METTL15: variants seen among roughly 807,000 people sequenced by gnomAD.
METTL15 encodes 12S rRNA N(4)-cytidine methyltransferase METTL15.
METTL15 carries 34 observed loss-of-function variants against 38.3 expected under a neutral mutation model. That is an observed-to-expected ratio of 0.89 (90% CI 0.68 to 1.18). The LOEUF is 1.18. Ranked by LOEUF, METTL15 falls within the 50% of genes most tolerant of loss-of-function variation. The pLI is 0.00. For missense variants in METTL15, 438 were observed against 498.4 expected, an observed-to-expected ratio of 0.88 and a Z score of 1.15; for synonymous variants, 162 against 170.9, an observed-to-expected ratio of 0.95 and a Z score of 0.41.
At chr11:28,418,524 T>C (rs866387586) in intron 5 of METTL15, among the ~76,000 whole-genome samples, 11 of 152,132 alleles carry the variant, frequency 7.2e-5, no homozygotes, top group African/African-American at 2.7e-4. Flanking sequence ...CAGAGCATGA[T>C]GGCTCAATAG....
At chr11:28,513,208 C>T (rs1851690903) in intron 6 of METTL15, among the ~76,000 whole-genome samples, 1 of 152,178 alleles carries the variant, frequency 6.6e-6, no homozygotes, top group Non-Finnish European at 1.5e-5. Flanking sequence ...TCAGATAGGA[C>T]TTGCATATGA....
Position 28,475,947 on chromosome 11 carries a change from G to A in METTL15, c.*425-50531G>A, listed in dbSNP as rs574324501. On this transcript the variant is annotated intron_variant and NMD_transcript_variant, in intron 6 of 7. Coordinates refer to the METTL15 transcript ENST00000532947. ...CTCTCCTCCTGCTACCACCTAGGCT[G>A]CCTGCAGTCCTCTGTGGCATGCACA... is the stretch of plus-strand genomic sequence containing the variant. Among the ~76,000 whole-genome samples, 9 of 152,292 alleles carry A rather than the reference G, an allele frequency of 5.9e-5. No homozygotes were observed. The South Asian group carries it at 1.9e-3, about 32-fold the overall frequency.
chr11:28,482,424 C>T (rs929533797), intron 6 of METTL15, among the ~76,000 whole-genome samples: 1 of 152,150 alleles, frequency 6.6e-6, no homozygotes, highest in South Asian at 2.1e-4. Flanking sequence ...TTATATCTTC[C>T]TTGTAGGGTT....
intron 3 of METTL15, among the ~76,000 whole-genome samples, chr11:28,115,360 T>C (rs1851895358): frequency 1.3e-5 from 2 of 151,710 alleles, no homozygotes; most frequent in Non-Finnish European, 2.9e-5. Flanking sequence ...CCGGGTTCAA[T>C]TGATTCTCCT....
At chr11:28,388,791 G>C (rs539356253) in intron 5 of METTL15, among the ~76,000 whole-genome samples, 1 of 151,172 alleles carries the variant, frequency 6.6e-6, no homozygotes, top group Non-Finnish European at 1.5e-5. Flanking sequence ...TTAACTCGTC[G>C]TTTAACATTA....
intron 3 of METTL15, among the ~76,000 whole-genome samples, chr11:28,165,916 TC>T (rs1850642629): frequency 6.6e-6 from 1 of 152,186 alleles, no homozygotes; most frequent in African/African-American, 2.4e-5. Flanking sequence ...GACTGTCTTT[TC>T]CCCATTTTGT....
At chr11:28,151,006 C>CAAAA (rs34906623) in intron 3 of METTL15, among the ~76,000 whole-genome samples, 2 of 84,510 alleles carry the variant, frequency 2.4e-5, no homozygotes, top group Non-Finnish European at 2.5e-5. Flanking sequence ...CAACAGTGAC[C>CAAAA]AAAAAAAAAA....
intron 3 of METTL15, chr11:28,164,286 G>A (rs556160870): frequency 6.6e-6 from 1 of 152,040 alleles, no homozygotes; most frequent in South Asian, 2.1e-4. Context: ...CATTCTCCTG[G>A]GATGTCATAA....
intron 6 of METTL15, among the ~76,000 whole-genome samples, chr11:28,440,056 G>T (rs1265010813): frequency 6.6e-6 from 1 of 152,198 alleles, no homozygotes; most frequent in Non-Finnish European, 1.5e-5. Flanking sequence ...GACCCTGACT[G>T]TGGCAATTTG....
chr11:28,511,585 G>A (rs537244057), intron 6 of METTL15, among the ~76,000 whole-genome samples: 8 of 152,174 alleles, frequency 5.3e-5, no homozygotes, highest in Middle Eastern at 3.4e-3. Context: ...TGGTCTCACC[G>A]GCTCAGGAGT....
intron 6 of METTL15, among the ~76,000 whole-genome samples, chr11:28,514,574 G>A (rs939967678): frequency 2.6e-5 from 4 of 152,192 alleles, no homozygotes; most frequent in African/African-American, 9.7e-5. Context: ...CTAAAAGCAT[G>A]CTAAGAAATT....
rs1851731158 is a variant in METTL15, at chr11:28,111,843, AAGTC to A, written c.-18+1445_-18+1448del. On this transcript the variant is annotated intron_variant, in intron 2 of 6. Transcript: ENST00000407364. ...TATTTTGTAAACTGTTAGAAACACT[AAGTC>A]AGAGGGTAGTTGAGCTTACTTTTGT... is the stretch of plus-strand genomic sequence containing the variant. Among the ~76,000 whole-genome samples the A allele has an allele frequency of 1.3e-5, 2 of 152,228 alleles. 1 individual carries two copies. The highest frequency in any genetic ancestry group is 4.1e-4 in the South Asian group (2 of 4,832).
At chr11:28,525,692 A>G (rs542363850) in intron 6 of METTL15, among the ~76,000 whole-genome samples, 8 of 152,200 alleles carry the variant, frequency 5.3e-5, no homozygotes, top group African/African-American at 1.9e-4. Flanking sequence ...AGACATAAAG[A>G]TTCTCCAAGT....
chr11:28,188,038 C>T (rs542400495), intron 3 of METTL15, among the ~76,000 whole-genome samples: 125 of 151,372 alleles, frequency 8.3e-4, no homozygotes, highest in Non-Finnish European at 1.1e-3. Context: ...TTCCCTCACC[C>T]CTGGCTCATG....
chr11:28,179,677 G>C (rs538706855), intron 3 of METTL15, among the ~76,000 whole-genome samples: 1 of 151,804 alleles, frequency 6.6e-6, no homozygotes, highest in East Asian at 1.9e-4. Flanking sequence ...CTGTTGATGG[G>C]CTTGTGGATA....
At chr11:28,216,688 T>C (rs1852890167) in intron 4 of METTL15, among the ~76,000 whole-genome samples, 1 of 150,854 alleles carries the variant, frequency 6.6e-6, no homozygotes, top group African/African-American at 2.4e-5. Context: ...ATTAGGTATA[T>C]CTCCAAATGC....
intron 6 of METTL15, chr11:28,328,215 G>T: frequency 6.5e-7 from 1 of 1,549,448 alleles, no homozygotes. Flanking sequence ...TCATGTTCCT[G>T]AGAGACCTGG....
chr11:28,290,736 C>CCCAA (rs2133989501), intron 5 of METTL15, among the ~76,000 whole-genome samples: 1 of 151,768 alleles, frequency 6.6e-6, no homozygotes, highest in South Asian at 2.1e-4. Flanking sequence ...TTTTTGCATG[C>CCCAA]CCAACTATGC....
At chr11:28,506,520 A>C (rs1851628320) in intron 6 of METTL15, among the ~76,000 whole-genome samples, 1 of 152,180 alleles carries the variant, frequency 6.6e-6, no homozygotes, top group African/African-American at 2.4e-5. Context: ...CTATTATTAT[A>C]CATATTCTGT....
Sources: gnomAD v4.1 joint callset for allele counts (sites outside exome capture counted in the v4.1 genomes callset) on GRCh38, gnomAD v4.1.1 for gene constraint, MANE v1.5 for transcripts, NCBI Gene and HGNC (gene_info 2026-07-23, HGNC 2026-07-21) for gene names.